KSR1: variants seen among roughly 807,000 people sequenced by gnomAD.
The protein encoded by KSR1 is kinase suppressor of ras.
Under a neutral mutation model 92.9 loss-of-function variants are expected in KSR1, and 35 were observed. That is an observed-to-expected ratio of 0.38 (90% CI 0.29 to 0.50). KSR1 has a LOEUF of 0.50. Among genes scored for constraint, KSR1 ranks in the 20% least tolerant of loss-of-function variants. The pLI is 0.94. For missense variants in KSR1, 972 were observed against 1,158.5 expected (o/e 0.84, Z 2.34); for synonymous variants, 467 against 472.6 (o/e 0.99, Z 0.15).
At chr17:27,617,251 C>A in intron 18 of KSR1, 44 bp from the exon 19 acceptor site, 1 of 1,574,200 alleles carries the variant, frequency 6.4e-7, no homozygotes, top group Non-Finnish European at 8.7e-7. Flanking sequence ...TGCCCCCTCC[C>A]TCCCAGCCAG....
intron 4 of KSR1, 54 bp from the exon 5 acceptor site, chr17:27,585,603 A>C (rs920995590): frequency 4.1e-6 from 3 of 735,442 alleles, no homozygotes; most frequent in Non-Finnish European, 7.6e-6. Context: ...TTCTAGGAAC[A>C]CGCCGAGCCA....
chr17:27,586,111 C>A, intron 5 of KSR1: 1 of 180,194 alleles, frequency 5.5e-6, no homozygotes, highest in Non-Finnish European at 1.2e-5. Context: ...AAGGGACATT[C>A]CTGGAGGCAG....
At chr17:27,613,713 A>G (rs2073983601) in intron 18 of KSR1, among the ~76,000 whole-genome samples, 1 of 152,178 alleles carries the variant, frequency 6.6e-6, no homozygotes. Context: ...TGGGCTCAAG[A>G]TACAGGTTTT....
intron 18 of KSR1, among the ~76,000 whole-genome samples, chr17:27,615,641 A>T (rs1437777525): frequency 6.6e-6 from 1 of 152,186 alleles, no homozygotes; most frequent in Non-Finnish European, 1.5e-5. Flanking sequence ...TGTCGTTGGA[A>T]TCAATGGGAT....
chr17:27,474,245 A>G (rs187251180), intron 1 of KSR1, among the ~76,000 whole-genome samples: 6 of 152,376 alleles, frequency 3.9e-5, no homozygotes, highest in Admixed American at 3.9e-4. Flanking sequence ...CTTAGCACCC[A>G]GCTTGTCAAA....
At chr17:27,516,809 T>C (rs749900762) in intron 1 of KSR1, among the ~76,000 whole-genome samples, 21 of 152,154 alleles carry the variant, frequency 1.4e-4, no homozygotes, top group Non-Finnish European at 2.5e-4. Flanking sequence ...CCTGAGAACA[T>C]GTGCCCAAGG....
At chr17:27,498,863 T>C (rs1007342277) in intron 1 of KSR1, among the ~76,000 whole-genome samples, 1 of 152,188 alleles carries the variant, frequency 6.6e-6, no homozygotes, top group Non-Finnish European at 1.5e-5. Flanking sequence ...AGGGAAACTT[T>C]AACGAACATG....
intron 1 of KSR1, among the ~76,000 whole-genome samples, chr17:27,466,899 G>T (rs555755120): frequency 3.3e-5 from 5 of 152,340 alleles, no homozygotes; most frequent in Non-Finnish European, 5.9e-5. Flanking sequence ...TTCCCCGGTC[G>T]CTGAGTCAAA....
intron 18 of KSR1, chr17:27,612,593 C>T (rs944774925): frequency 2.8e-4 from 43 of 152,328 alleles, no homozygotes; most frequent in African/African-American, 1.0e-3. Context: ...CTTTCAGTTT[C>T]CTTTATCACA....
intron 18 of KSR1, among the ~76,000 whole-genome samples, chr17:27,616,637 A>T (rs1312368834): frequency 1.3e-5 from 2 of 152,130 alleles, no homozygotes; most frequent in Non-Finnish European, 2.9e-5. Context: ...TGAGTTGCTG[A>T]GTCTGTGTGG....
At chr17:27,561,640 G>A (rs189305601) in intron 2 of KSR1, among the ~76,000 whole-genome samples, 96 of 152,244 alleles carry the variant, frequency 6.3e-4, no homozygotes, top group African/African-American at 2.0e-3. Context: ...TTGTGTGCTC[G>A]GCACTGTTCT....
At chr17:27,486,804 C>CT (rs1348995693) in intron 1 of KSR1, among the ~76,000 whole-genome samples, 1 of 152,120 alleles carries the variant, frequency 6.6e-6, no homozygotes, top group Non-Finnish European at 1.5e-5. Flanking sequence ...AGAGAGCAGG[C>CT]TAGATAACAC....
Position 27,626,188 on chromosome 17 carries a change from C to G in KSR1, c.*2796C>G, listed in dbSNP as rs1282185988. ...AGCCAGGATCTCATCAGCGTGCAAA[C>G]CTAGCATCTTCTGTGGCCACAAGCC... is the stretch of plus-strand genomic sequence containing the variant. On this transcript the variant is annotated 3_prime_UTR_variant, in exon 21 of 21. Transcript: ENST00000644974. 1 of 152,208 alleles carries G rather than the reference C, an allele frequency of 6.6e-6. No individual in the cohort carries two copies. Among genetic ancestry groups the G allele is most frequent in the Non-Finnish European group, 1.5e-5 (1 of 68,040 alleles). The allele number at this position is 152,208 out of a possible 1,614,324, so 9.4% of individuals were successfully genotyped here.
chr17:27,563,883 C>T (rs900986713), intron 2 of KSR1, among the ~76,000 whole-genome samples: 5 of 152,048 alleles, frequency 3.3e-5, no homozygotes, highest in Admixed American at 1.3e-4. Context: ...CTATACCTGC[C>T]GCTTTATCTC....
At chr17:27,497,177 G>C (rs2069017308) in intron 1 of KSR1, among the ~76,000 whole-genome samples, 1 of 152,174 alleles carries the variant, frequency 6.6e-6, no homozygotes, top group Non-Finnish European at 1.5e-5. Flanking sequence ...TCCCAAAAAG[G>C]GCTTGCGGTT....
chr17:27,538,030 G>A (rs1178142292), intron 1 of KSR1, among the ~76,000 whole-genome samples: 1 of 152,202 alleles, frequency 6.6e-6, no homozygotes, highest in Admixed American at 6.5e-5. Flanking sequence ...GCTGCTCTTC[G>A]AGATTTAAGG....
At chr17:27,606,367 G>A (rs775288970) in intron 14 of KSR1, among the ~76,000 whole-genome samples, 5 of 152,220 alleles carry the variant, frequency 3.3e-5, no homozygotes, top group African/African-American at 4.8e-5. Context: ...CAAAGTCAGA[G>A]ACACTATAAA....
rs370927908 is a variant in KSR1, at chr17:27,603,916, C to T, written c.1565+28C>T. 29 of 1,610,774 alleles carry T rather than the reference C, an allele frequency of 1.8e-5. No individual in the cohort carries two copies. The South Asian group carries it at 2.3e-4, about 13-fold the overall frequency. On this transcript the variant is annotated intron_variant, in intron 12 of 20. Coordinates refer to ENST00000644974, the MANE Select transcript of KSR1 (RefSeq NM_001394583.1). ...AGGCATCCCTAGGTGGTGTCCCCTT[C>T]GCTTCTTTGGGGAATTATTAAGGCT...
chr17:27,496,712 A>G (rs1030969293), intron 1 of KSR1, among the ~76,000 whole-genome samples: 1 of 152,220 alleles, frequency 6.6e-6, no homozygotes, highest in Non-Finnish European at 1.5e-5. Context: ...GCCTTCATTC[A>G]AGCCAGGCAG....
Sources: gnomAD v4.1 joint callset for allele counts (sites outside exome capture counted in the v4.1 genomes callset) on GRCh38, gnomAD v4.1.1 for gene constraint, MANE v1.5 for transcripts, NCBI Gene and HGNC (gene_info 2026-07-23, HGNC 2026-07-21) for gene names.